Variants in PKNOX2 observed in about 807,000 individuals in gnomAD.
PKNOX2 encodes the protein PBX/knotted 1 homeobox 2, also known as homeobox protein PKNOX2.
In PKNOX2, 14 loss-of-function variants were observed where a neutral mutation model predicts 53.1. The observed-to-expected ratio is 0.26, with a 90% CI of 0.17 to 0.41. The LOEUF (loss-of-function observed/expected upper bound fraction) is 0.41, where lower values mean the gene tolerates loss of function less well. PKNOX2 is among the 10% of genes least tolerant of loss of function. PKNOX2 has a pLI of 1.00. For synonymous variants in PKNOX2, 257 were observed against 242.8 expected, an observed-to-expected ratio of 1.06 and a Z score of -0.54; for missense variants, 496 against 602.8, an observed-to-expected ratio of 0.82 and a Z score of 1.85.
chr11:125,275,841 G>A (rs997456768), intron 2 of PKNOX2, among the ~76,000 whole-genome samples: 5 of 152,192 alleles, frequency 3.3e-5, no homozygotes, highest in African/African-American at 1.2e-4. Flanking sequence ...GAATACAGAT[G>A]TCTGGGTGTC....
chr11:125,279,281 C>T (rs1284920690), intron 2 of PKNOX2, among the ~76,000 whole-genome samples: 4 of 152,192 alleles, frequency 2.6e-5, no homozygotes, highest in African/African-American at 9.7e-5. Context: ...CTGGAGGGGG[C>T]TTCTGTCTGA....
chr11:125,368,381 G>C (rs1053792630), intron 5 of PKNOX2, among the ~76,000 whole-genome samples: 1 of 152,158 alleles, frequency 6.6e-6, no homozygotes, highest in Non-Finnish European at 1.5e-5. Flanking sequence ...TCTAGAACTT[G>C]GCAGTCCACA....
intron 7 of PKNOX2, among the ~76,000 whole-genome samples, chr11:125,403,052 A>G (rs1954848490): frequency 6.6e-6 from 1 of 152,132 alleles, no homozygotes; most frequent in African/African-American, 2.4e-5. Flanking sequence ...AGTGTTTCCA[A>G]TGTAGCAAGA....
intron 3 of PKNOX2, among the ~76,000 whole-genome samples, chr11:125,341,355 G>T (rs542509852): frequency 6.8e-6 from 1 of 147,746 alleles, no homozygotes; most frequent in African/African-American, 2.5e-5. Flanking sequence ...GCAAGATTCC[G>T]TCTCAAAAAA....
At chr11:125,262,190 G>T (rs547339960) in intron 2 of PKNOX2, among the ~76,000 whole-genome samples, 1 of 152,324 alleles carries the variant, frequency 6.6e-6, no homozygotes, top group South Asian at 2.1e-4. Flanking sequence ...AAGAGTAGGG[G>T]CCAGACAGTG....
chr11:125,234,029 C>G (rs1312991494), intron 1 of PKNOX2, among the ~76,000 whole-genome samples: 5 of 152,182 alleles, frequency 3.3e-5, no homozygotes, highest in Non-Finnish European at 7.3e-5. Flanking sequence ...ATCCCAGGAC[C>G]CTCCATGCCT....
chr11:125,268,410 C>T (rs985531206), intron 2 of PKNOX2, among the ~76,000 whole-genome samples: 2 of 152,216 alleles, frequency 1.3e-5, no homozygotes, highest in Non-Finnish European at 2.9e-5. Context: ...AGCTCCTTGA[C>T]CGCTTCACAG....
rs546403207 is a variant in PKNOX2, at chr11:125,252,092, C to A, written c.-130+16977C>A. 5.6e-4 allele frequency among the ~76,000 whole-genome samples: 85 copies of A among 152,248 alleles called. 2 individuals carry two copies. Among genetic ancestry groups the A allele is most frequent in the African/African-American group, 2.0e-3 (84 of 41,548 alleles). On this transcript the variant is annotated intron_variant, in intron 2 of 12. Transcript: ENST00000298282. ...GTGCCTCCATCAGGCAAGGCCACAG[C>A]GCTCGTCAAGCGGTGAAGAGGGCAC...
At chr11:125,293,295 A>AT (rs1947429811) in intron 2 of PKNOX2, among the ~76,000 whole-genome samples, 1 of 152,100 alleles carries the variant, frequency 6.6e-6, no homozygotes, top group African/African-American at 2.4e-5. Flanking sequence ...ACAAATTGTA[A>AT]TTTTTTTAGG....
At chr11:125,385,492 C>T (rs1441226013) in intron 5 of PKNOX2, 59 bp from the exon 6 acceptor site, 1 of 1,511,522 alleles carries the variant, frequency 6.6e-7, no homozygotes, top group African/African-American at 1.4e-5. Flanking sequence ...GGCTTCTGAG[C>T]ACAGGTAGCA....
At chr11:125,216,075 G>A (rs1478738007) in intron 1 of PKNOX2, among the ~76,000 whole-genome samples, 1 of 152,212 alleles carries the variant, frequency 6.6e-6, no homozygotes, top group Admixed American at 6.5e-5. Context: ...AAAGAATGCA[G>A]AAGATGAGGC....
At chr11:125,363,760 T>G (rs745852146) in intron 4 of PKNOX2, among the ~76,000 whole-genome samples, 13 of 151,668 alleles carry the variant, frequency 8.6e-5, no homozygotes, top group Non-Finnish European at 1.6e-4. Flanking sequence ...TTTCTTCCCA[T>G]GCCAGACCAA....
At chr11:125,394,399 C>T (rs541707281) in intron 6 of PKNOX2, among the ~76,000 whole-genome samples, 74 of 152,332 alleles carry the variant, frequency 4.9e-4, no homozygotes, top group Non-Finnish European at 9.1e-4. Context: ...TGTGACTGAG[C>T]CCTGCATGAC....
intron 3 of PKNOX2, among the ~76,000 whole-genome samples, chr11:125,348,583 G>A (rs1164491747): frequency 6.6e-6 from 1 of 152,198 alleles, no homozygotes; most frequent in East Asian, 1.9e-4. Flanking sequence ...TCTCCTCTCA[G>A]CCTCATGGGC....
intron 7 of PKNOX2, among the ~76,000 whole-genome samples, chr11:125,403,209 C>T (rs546808467): frequency 2.8e-4 from 42 of 152,210 alleles, no homozygotes; most frequent in African/African-American, 9.4e-4. Context: ...AAAATGGATG[C>T]GACACAGTCC....
intron 2 of PKNOX2, among the ~76,000 whole-genome samples, chr11:125,264,207 C>T (rs1348316349): frequency 1.3e-5 from 2 of 152,158 alleles, no homozygotes; most frequent in African/African-American, 4.8e-5. Flanking sequence ...AACCGGGACC[C>T]AGTGGAAAAT....
At chr11:125,374,706 C>T (rs1174118441) in intron 5 of PKNOX2, among the ~76,000 whole-genome samples, 2 of 152,138 alleles carry the variant, frequency 1.3e-5, no homozygotes, top group Non-Finnish European at 2.9e-5. Context: ...CATCCAGGGT[C>T]CCCGCCAAGA....
At chr11:125,222,765 G>A (rs1941332996) in intron 1 of PKNOX2, among the ~76,000 whole-genome samples, 2 of 151,182 alleles carry the variant, frequency 1.3e-5, no homozygotes, top group Non-Finnish European at 3.0e-5. Flanking sequence ...GTGTATGTGT[G>A]TATGTGTGTG....
chr11:125,296,793 G>A (rs903613407), intron 2 of PKNOX2, among the ~76,000 whole-genome samples: 12 of 152,080 alleles, frequency 7.9e-5, no homozygotes, highest in East Asian at 5.8e-4. Flanking sequence ...GCGCCACCAA[G>A]CCCAGATAAT....
Sources: allele counts gnomAD v4.1 joint callset (sites outside exome capture counted in the v4.1 genomes callset), GRCh38; gene constraint gnomAD v4.1.1; transcripts MANE v1.5; gene names NCBI Gene and HGNC (gene_info 2026-07-23, HGNC 2026-07-21).